FBXL7: variants seen among roughly 807,000 people sequenced by gnomAD.
FBXL7 encodes F-box and leucine rich repeat protein 7.
In FBXL7, 12 loss-of-function variants were observed where a neutral mutation model predicts 38.3. The ratio of observed to expected loss-of-function variants is 0.31; its 90% CI spans 0.20 to 0.51. FBXL7 has a LOEUF of 0.51. Among genes scored for constraint, FBXL7 ranks in the 20% least tolerant of loss-of-function variants. The probability of loss-of-function intolerance (pLI) is 0.98; values close to 1 mark genes in which losing one functional copy is unlikely to be tolerated. For synonymous variants in FBXL7, 297 were observed against 300.9 expected (o/e 0.99, Z 0.13); for missense variants, 567 against 676.4 (o/e 0.84, Z 1.79).
chr5:15,580,491 C>A, intron 1 of FBXL7: 1 of 333,208 alleles, frequency 3.0e-6, no homozygotes, highest in Non-Finnish European at 4.3e-6. Flanking sequence ...ATATGCCATA[C>A]ACTGGTTTAT....
At chr5:15,738,421 T>C (rs1177024562) in intron 2 of FBXL7, among the ~76,000 whole-genome samples, 2 of 152,066 alleles carry the variant, frequency 1.3e-5, no homozygotes, top group Non-Finnish European at 2.9e-5. Context: ...TTCCCAGAGG[T>C]TGTGATGTGG....
intron 2 of FBXL7, among the ~76,000 whole-genome samples, chr5:15,859,124 G>T (rs1331107861): frequency 6.6e-6 from 1 of 152,302 alleles, no homozygotes; most frequent in Admixed American, 6.5e-5. Context: ...AGTAGATGAT[G>T]CAGTGATTCA....
chr5:15,765,321 G>A (rs188272611), intron 2 of FBXL7, among the ~76,000 whole-genome samples: 228 of 152,084 alleles, frequency 1.5e-3, no homozygotes, highest in African/African-American at 5.0e-3. Context: ...ATGCACTCCC[G>A]AGGCCATACC....
intron 1 of FBXL7, among the ~76,000 whole-genome samples, chr5:15,598,672 G>A (rs909885201): frequency 3.3e-5 from 5 of 152,182 alleles, no homozygotes; most frequent in African/African-American, 9.6e-5. Context: ...ACAGTATGGC[G>A]TCCAACAAGG....
intron 2 of FBXL7, among the ~76,000 whole-genome samples, chr5:15,746,502 C>T (rs146870873): frequency 6.6e-6 from 1 of 151,954 alleles, no homozygotes; most frequent in Non-Finnish European, 1.5e-5. Flanking sequence ...GGCCCATTTC[C>T]TCATAGACAG....
chr5:15,732,569 A>T (rs931224134), intron 2 of FBXL7, among the ~76,000 whole-genome samples: 2 of 152,202 alleles, frequency 1.3e-5, no homozygotes, highest in East Asian at 1.9e-4. Flanking sequence ...TTATTTGCAG[A>T]TGCATGTGTG....
intron 2 of FBXL7, among the ~76,000 whole-genome samples, chr5:15,870,191 C>A (rs6420027): frequency 0.82 from 125,265 of 151,888 alleles, 52,186 homozygotes; most frequent in African/African-American, 0.91. Flanking sequence ...CTAAATGATC[C>A]ATGGGGGTGG....
At chr5:15,584,230 G>A (rs1739237162) in intron 1 of FBXL7, among the ~76,000 whole-genome samples, 1 of 152,156 alleles carries the variant, frequency 6.6e-6, no homozygotes, top group Non-Finnish European at 1.5e-5. Flanking sequence ...GAAAGTCCTT[G>A]ACCTGCTCTG....
intron 2 of FBXL7, among the ~76,000 whole-genome samples, chr5:15,805,510 A>G (rs1464711112): frequency 1.3e-5 from 2 of 152,106 alleles, no homozygotes; most frequent in African/African-American, 4.8e-5. Flanking sequence ...TTAACCTAAG[A>G]TTTTACCTAA....
Position 15,939,056 on chromosome 5 carries a change from T to A in FBXL7, c.*1870T>A, listed in dbSNP as rs1179533091. ...CACTCCTACTGTAGGCTCCTGTGCA[T>A]ACTGTCGTCTTCTGTGGGGGATGGA... On this transcript the variant is annotated 3_prime_UTR_variant, in exon 4 of 4. Coordinates refer to ENST00000504595, the MANE Select transcript of FBXL7 (RefSeq NM_012304.5). 1 of 398,978 alleles carries A rather than the reference T, an allele frequency of 2.5e-6. No individual in the cohort carries two copies. Among genetic ancestry groups the A allele is most frequent in the African/African-American group, 2.1e-5 (1 of 48,636 alleles). 24.7% of individuals were successfully genotyped at this position (398,978 alleles called of 1,614,324 possible). A position where few individuals can be genotyped will look rare whatever the true frequency, so the allele number is the denominator to read the frequency against.
At chr5:15,755,680 C>A (rs1736279434) in intron 2 of FBXL7, among the ~76,000 whole-genome samples, 1 of 152,204 alleles carries the variant, frequency 6.6e-6, no homozygotes, top group Non-Finnish European at 1.5e-5. Flanking sequence ...GGCTTCTTAC[C>A]TTCTTTCTCC....
intron 1 of FBXL7, among the ~76,000 whole-genome samples, chr5:15,606,291 GCACACA>G (rs148470712): frequency 1.3e-5 from 2 of 150,520 alleles, no homozygotes; most frequent in East Asian, 1.9e-4. Context: ...ATGCGCACGT[GCACACA>G]CACACACACA....
At chr5:15,525,043 G>A (rs1441655103) in intron 1 of FBXL7, among the ~76,000 whole-genome samples, 1 of 152,176 alleles carries the variant, frequency 6.6e-6, no homozygotes, top group Non-Finnish European at 1.5e-5. Flanking sequence ...TCCTGGCTTT[G>A]TCACTTATGA....
intron 2 of FBXL7, among the ~76,000 whole-genome samples, chr5:15,863,787 C>T (rs1579535559): frequency 6.6e-6 from 1 of 152,284 alleles, no homozygotes; most frequent in East Asian, 1.9e-4. Context: ...GAACCTGGTA[C>T]CTCCTCACTC....
intron 2 of FBXL7, among the ~76,000 whole-genome samples, chr5:15,916,610 G>A (rs1483113859): frequency 6.6e-6 from 1 of 152,100 alleles, no homozygotes; most frequent in Non-Finnish European, 1.5e-5. Context: ...GAAGGCAGAG[G>A]AAAAATTTCA....
Position 15,571,473 on chromosome 5 carries a change from A to G in FBXL7, c.38-44510A>G, listed in dbSNP as rs1561032677. 2.6e-5 allele frequency among the ~76,000 whole-genome samples: 4 copies of G among 152,300 alleles called. No homozygotes were observed. The South Asian group carries it at 6.2e-4, about 24-fold the overall frequency. On this transcript the variant is annotated intron_variant, in intron 1 of 3. Coordinates refer to ENST00000504595, the MANE Select transcript of FBXL7 (RefSeq NM_012304.5). ...AGTCAGGTGGAAATAGGGTTAGAGA[A>G]AGTGATTTGAACCCAGTGGCTTTTC...
At chr5:15,922,270 T>A (rs540773425) in intron 2 of FBXL7, among the ~76,000 whole-genome samples, 1 of 152,106 alleles carries the variant, frequency 6.6e-6, no homozygotes, top group African/African-American at 2.4e-5. Context: ...AAAAGGCACC[T>A]GCTCTACATA....
intron 2 of FBXL7, among the ~76,000 whole-genome samples, chr5:15,704,686 T>C (rs1424974982): frequency 6.6e-6 from 1 of 152,212 alleles, no homozygotes; most frequent in Non-Finnish European, 1.5e-5. Flanking sequence ...TGGATGTTTT[T>C]ATTTCTTTTT....
chr5:15,636,792 C>T (rs1561063256), intron 2 of FBXL7, among the ~76,000 whole-genome samples: 1 of 150,802 alleles, frequency 6.6e-6, no homozygotes, highest in African/African-American at 2.4e-5. Context: ...TCTTTAAACT[C>T]TGTAAGGTTA....
Sources: gnomAD v4.1 joint callset for allele counts (sites outside exome capture counted in the v4.1 genomes callset) on GRCh38, gnomAD v4.1.1 for gene constraint, MANE v1.5 for transcripts, NCBI Gene and HGNC (gene_info 2026-07-23, HGNC 2026-07-21) for gene names.